OTOA: variants seen among roughly 807,000 people sequenced by gnomAD.
OTOA encodes otoancorin.
A neutral mutation model predicts 110.8 loss-of-function variants in OTOA; 70 were observed. That is an observed-to-expected ratio of 0.63 (90% CI 0.52 to 0.77). OTOA has a LOEUF of 0.77. Ranked by LOEUF, OTOA falls within the 30% of genes least tolerant of loss-of-function variation. The pLI is 0.00. For synonymous variants in OTOA, 373 were observed against 431.5 expected, an observed-to-expected ratio of 0.86 and a Z score of 1.68; for missense variants, 917 against 1,075.8, an observed-to-expected ratio of 0.85 and a Z score of 2.06.
rs77929779 is a variant in OTOA at position 21,715,408 on chromosome 16, G to T, written c.1488+256G>T. 0.018 allele frequency among the ~76,000 whole-genome samples: 2,705 copies of T among 151,212 alleles called. 99 individuals carry two copies. The highest frequency in any genetic ancestry group is 0.062 in the African/African-American group (2,551 of 41,148). ...ATCTGGAAGACTTTTCTTAAATCAG[G>T]TTTCCTGATCTTATAACACTTCAGG... is the stretch of plus-strand genomic sequence containing the variant. On this transcript the variant is annotated intron_variant, in intron 14 of 28. Coordinates refer to ENST00000646100, the MANE Select transcript of OTOA (RefSeq NM_144672.4).
rs182466633 is a variant in OTOA, at chr16:21,721,775, C to T, written c.1807-1130C>T. 2.6e-5 allele frequency among the ~76,000 whole-genome samples: 4 copies of T among 152,126 alleles called. No homozygotes were observed. The East Asian group carries it at 5.8e-4, about 22-fold the overall frequency. ...AATATGGTGGCACATGCCTGTAGTC[C>T]TAGCTACTTGGGAAACTGAGGCAGG... On this transcript the variant is annotated intron_variant, in intron 17 of 28. Transcript: ENST00000646100.
chr16:21,678,820 G>T, intron 2 of OTOA, 95 bp from the exon 3 acceptor site: 2 of 1,468,656 alleles, frequency 1.4e-6, no homozygotes, highest in Non-Finnish European at 9.5e-7. Context: ...TTTCCTTCAT[G>T]AGTGGCTTTC....
chr16:21,695,889 A>ATTTTTTT (rs1213474615), intron 9 of OTOA, among the ~76,000 whole-genome samples: 9 of 63,640 alleles, frequency 1.4e-4, no homozygotes, highest in South Asian at 1.3e-3. Context: ...ATATATATAT[A>ATTTTTTT]TATTTTTTTT....
chr16:21,705,119 G>A, intron 11 of OTOA, 50 bp from the exon 12 acceptor site: 1 of 1,613,888 alleles, frequency 6.2e-7, no homozygotes, highest in Admixed American at 1.7e-5. Context: ...ACCAGAATGG[G>A]CTGGTTCTGC....
At chr16:21,675,043 T>C (rs904191831) in intron 1 of OTOA, among the ~76,000 whole-genome samples, 2 of 150,254 alleles carry the variant, frequency 1.3e-5, no homozygotes, top group Admixed American at 6.6e-5. Flanking sequence ...AATTTGGTCA[T>C]GAGGTCATGT....
In OTOA at chr16:21,687,398, C is replaced by T. The variant is rs1897737449; in HGVS notation, c.400-15C>T. The T allele has an allele frequency of 1.2e-6, 2 of 1,612,146 alleles. No homozygotes were observed. Among genetic ancestry groups the T allele is most frequent in the Non-Finnish European group, 1.7e-6 (2 of 1,178,318 alleles). On this transcript the variant is annotated splice_polypyrimidine_tract_variant and intron_variant, in intron 7 of 28. Coordinates refer to ENST00000646100, the MANE Select transcript of OTOA (RefSeq NM_144672.4). ...GCAGCTCTCAAACTGACCCTGGCTT[C>T]TGTCATTGCTTTAGGACCTGAAAGA...
rs990746995 is a variant in OTOA, at chr16:21,664,078, C to T, written c.-159C>T. 6.6e-6 allele frequency: 1 copy of T among 152,142 alleles called. No individual in the cohort carries two copies. The highest frequency in any genetic ancestry group is 2.1e-4 in the South Asian group (1 of 4,832). 9.4% of individuals were successfully genotyped at this position (152,142 alleles called of 1,614,324 possible). ...CCCCGCCGCTGCCCTGGCTGAGTTC[C>T]CACCTGGGCCGCTGCAGGGAGGAGG... is the stretch of plus-strand genomic sequence containing the variant. On this transcript the variant is annotated 5_prime_UTR_variant, in exon 1 of 29. Coordinates refer to ENST00000646100, the MANE Select transcript of OTOA (RefSeq NM_144672.4).
chr16:21,725,031 G>T (rs1898870836), intron 18 of OTOA, among the ~76,000 whole-genome samples: 1 of 151,992 alleles, frequency 6.6e-6, no homozygotes, highest in African/African-American at 2.4e-5. Flanking sequence ...GCTTGCCTCG[G>T]CCTCCCAAAG....
chr16:21,678,238 A>T (rs1200851938), intron 1 of OTOA, among the ~76,000 whole-genome samples: 1 of 151,972 alleles, frequency 6.6e-6, no homozygotes, highest in Non-Finnish European at 1.5e-5. Flanking sequence ...AGTTGGGGGT[A>T]GTGGTAAGAT....
At chr16:21,731,012 ACTG>A (rs1298687037) in intron 21 of OTOA, 82 bp downstream of exon 21, 2 of 789,764 alleles carry the variant, frequency 2.5e-6, no homozygotes, top group Admixed American at 4.0e-5. Flanking sequence ...CATTGGGTTT[ACTG>A]CTGTCTATGG....
In OTOA at chr16:21,687,631, G is replaced by A. The variant is rs370982373; in HGVS notation, c.618G>A (p.Glu206=). Residue 206 remains glutamate (E), a synonymous_variant, in exon 8 of 29, where the codon GAG becomes GAA. Transcript: ENST00000646100. Reference sequence around the variant, plus strand: ...AGCGGCTCCCTCGGGACCTGCGCGAGGATGCCTTTAAGAACCTGTGAGTGG... The same window carrying A: ...AGCGGCTCCCTCGGGACCTGCGCGAAGATGCCTTTAAGAACCTGTGAGTGG... The part of the protein sequence containing the change: ...ITERLPRDLR[E]DAFKNLSAVF... The A allele has an allele frequency of 1.6e-4, 251 of 1,613,102 alleles. No homozygotes were observed. Among genetic ancestry groups the A allele is most frequent in the Non-Finnish European group, 2.0e-4 (238 of 1,179,804 alleles).
At chr16:21,690,355 C>G (rs890790614) in intron 8 of OTOA, among the ~76,000 whole-genome samples, 4 of 151,908 alleles carry the variant, frequency 2.6e-5, no homozygotes, top group African/African-American at 9.7e-5. Context: ...CACCCCACCC[C>G]CACAATAGGA....
chr16:21,695,885 A>ATT (rs1216474654), intron 9 of OTOA, among the ~76,000 whole-genome samples: 3,335 of 49,900 alleles, frequency 0.067, 108 homozygotes, highest in African/African-American at 0.089. Context: ...ATATATATAT[A>ATT]TATATATTTT....
intron 12 of OTOA, among the ~76,000 whole-genome samples, chr16:21,707,647 T>TTCTTTCTTTC (rs879561886): frequency 8.7e-6 from 1 of 114,362 alleles, no homozygotes. Flanking sequence ...CTTTCTTTCT[T>TTCTTTCTTTC]TCTTTCTTTC....
At chr16:21,692,708 A>G (rs922413887) in intron 9 of OTOA, among the ~76,000 whole-genome samples, 5 of 150,952 alleles carry the variant, frequency 3.3e-5, no homozygotes, top group Non-Finnish European at 7.4e-5. Context: ...AGGCAGATCA[A>G]CTGAGGTCAG....
intron 12 of OTOA, among the ~76,000 whole-genome samples, chr16:21,705,811 C>T (rs1487275417): frequency 2.0e-5 from 3 of 152,026 alleles, no homozygotes; most frequent in East Asian, 1.9e-4. Context: ...TGGTGGCATG[C>T]GCCTGTAATC....
intron 21 of OTOA, among the ~76,000 whole-genome samples, chr16:21,733,383 A>G (rs1456927030): frequency 2.0e-5 from 3 of 151,570 alleles, no homozygotes; most frequent in Non-Finnish European, 4.4e-5. Flanking sequence ...GGACCAATCC[A>G]TGGTATCCAG....
Position 21,700,875 on chromosome 16 carries a change from G to C in OTOA, c.841-13G>C. 7 of 1,613,860 alleles carry C rather than the reference G, an allele frequency of 4.3e-6. No homozygotes were observed. The highest frequency in any genetic ancestry group is 5.9e-6 in the Non-Finnish European group (7 of 1,179,998). ...CCTCCTCACTGATATTCTCGTCCTTGTCCACCAACTAGATTGGGCTGTTTA... is the reference window on the plus strand; with the variant it reads ...CCTCCTCACTGATATTCTCGTCCTTCTCCACCAACTAGATTGGGCTGTTTA... On this transcript the variant is annotated splice_polypyrimidine_tract_variant and intron_variant, in intron 10 of 28. Coordinates refer to ENST00000646100, the MANE Select transcript of OTOA (RefSeq NM_144672.4).
intron 12 of OTOA, among the ~76,000 whole-genome samples, chr16:21,706,755 A>G (rs1343969032): frequency 6.6e-6 from 1 of 151,886 alleles, no homozygotes; most frequent in African/African-American, 2.4e-5. Context: ...AGTTTCCCAC[A>G]CATCACCATA....
Sources: allele counts gnomAD v4.1 joint callset (sites outside exome capture counted in the v4.1 genomes callset), GRCh38; gene constraint gnomAD v4.1.1; transcripts MANE v1.5; gene names NCBI Gene and HGNC (gene_info 2026-07-23, HGNC 2026-07-21).